The following CELF3 variants were observed in gnomAD, a reference collection of about 807,000 sequenced individuals.
CELF3 encodes the protein CUGBP Elav-like family member 3.
CELF3 carries 26 observed loss-of-function variants against 59.6 expected under a neutral mutation model. The ratio of observed to expected loss-of-function variants is 0.44; its 90% CI spans 0.32 to 0.61. CELF3 has a LOEUF of 0.61. Ranked by LOEUF, CELF3 falls within the 20% of genes least tolerant of loss-of-function variation. The pLI, the probability that CELF3 is intolerant of heterozygous loss-of-function variation, is 0.06. For synonymous variants in CELF3, 245 were observed against 250.7 expected, an observed-to-expected ratio of 0.98 and a Z score of 0.22; for missense variants, 387 against 627.2, an observed-to-expected ratio of 0.62 and a Z score of 4.09.
chr1:151,716,667 C>CA lies in CELF3; in HGVS notation c.-648dup. On this transcript the variant is annotated 5_prime_UTR_variant, in exon 1 of 13. Coordinates refer to ENST00000290583, the MANE Select transcript of CELF3 (RefSeq NM_007185.7). ...GCCGCCCCCCTTCAGGTCCTCCCCT[C>CA]AGCCCCCCTCCCACCCCCACCCCAG... 9.5e-6 allele frequency: 3 copies of CA among 314,280 alleles called. No individual in the cohort carries two copies. The highest frequency in any genetic ancestry group is 2.4e-5 in the South Asian group (1 of 41,306). 19.5% of individuals were successfully genotyped at this position (314,280 alleles called of 1,614,324 possible).
chr1:151,709,511 G>T lies in CELF3; in HGVS notation c.278-163C>A. ...GGGGAATGGGGTATAGTTGCAGAGG[G>T]TGCTCATCCCAGCTCTGAGGGACTC... On this transcript the variant is annotated intron_variant, in intron 3 of 12. Transcript: ENST00000290583. The surrounding 1 kb of genome is among the most constrained non-coding windows in gnomAD (Gnocchi z 4.9). 3 of 1,092,538 alleles carry T rather than the reference G, an allele frequency of 2.7e-6. No individual in the cohort carries two copies. Among genetic ancestry groups the T allele is most frequent in the Non-Finnish European group, 4.0e-6 (3 of 743,656 alleles). The allele number at this position is 1,092,538 out of a possible 1,614,324, so 67.7% of individuals were successfully genotyped here.
In CELF3 at chr1:151,709,048, C is replaced by G. The variant is rs202171109; in HGVS notation, c.436G>C (p.Ala146Pro). Residue 146 changes from alanine (A) to proline (P), a missense_variant, in exon 5 of 13, where the codon GCT (alanine) becomes CCT (proline). Physicochemically the swap from Ala to Pro is conservative, Grantham distance 27. Around this residue, in one of 3 missense-constraint regions of CELF3, gnomAD observed 208 missense variants for 354.8 expected, o/e 0.59. Coordinates refer to ENST00000290583, the MANE Select transcript of CELF3 (RefSeq NM_007185.7). The surrounding 1 kb of genome is among the most constrained non-coding windows in gnomAD (Gnocchi z 4.9). ...GCAFVKFQTH[A>P]EAQAAINTLH... ...GTGTTGATGGCCGCCTGGGCCTCAG[C>G]GTGGGTCTGGAACTTCACGAAGGCG... is the stretch of plus-strand genomic sequence containing the variant. 6.2e-7 allele frequency: 1 copy of G among 1,613,696 alleles called. No homozygotes were observed. The highest frequency in any genetic ancestry group is 8.5e-7 in the Non-Finnish European group (1 of 1,179,942).
Position 151,715,924 on chromosome 1 carries a change from T to C in CELF3, c.97A>G (p.Ile33Val). The change falls in exon 1 of 13, where the codon ATC becomes GTC. Residue 33 changes from isoleucine (I) to valine (V), a missense_variant. By Grantham distance (29) the Ile-to-Val change is conservative (BLOSUM62 3). Transcript: ENST00000290583. ...TCCTTGATGACAGTCAGCTCAAAGATCCGACCAAACTGTTCGAAGATGGGC... is the reference window on the plus strand; with the variant it reads ...TCCTTGATGACAGTCAGCTCAAAGACCCGACCAAACTGTTCGAAGATGGGC... ...LKPIFEQFGR[I>V]FELTVIKDKY... 6.2e-7 allele frequency: 1 copy of C among 1,614,090 alleles called. No individual in the cohort carries two copies. Among genetic ancestry groups the C allele is most frequent in the Non-Finnish European group, 8.5e-7 (1 of 1,180,020 alleles).
chr1:151,708,067 C>T (rs1036187710), intron 5 of CELF3, 132 bp from the exon 6 acceptor site: 7 of 959,032 alleles, frequency 7.3e-6, no homozygotes, highest in East Asian at 5.3e-5. Context: ...CACCATTTTG[C>T]GTATGAAAGA....
Position 151,700,478 on chromosome 1 carries a change from A to C in CELF3, c.*2981T>G, listed in dbSNP as rs1172189019. On this transcript the variant is annotated 3_prime_UTR_variant, in exon 13 of 13. Transcript: ENST00000290583. ...GAACAATGAATAGTTCTATTTGGGTATGTGTAGGAATGAAGTGGAAAGTAA... is the reference window on the plus strand; with the variant it reads ...GAACAATGAATAGTTCTATTTGGGTCTGTGTAGGAATGAAGTGGAAAGTAA... 1.3e-5 allele frequency among the ~76,000 whole-genome samples: 2 copies of C among 152,328 alleles called. No homozygotes were observed. Among genetic ancestry groups the C allele is most frequent in the East Asian group, 3.9e-4 (2 of 5,186 alleles).
chr1:151,709,966 A>G lies in CELF3; in HGVS notation c.229-175T>C, dbSNP rs1672878259. ...CAGGATGAAGGCCTGAGGGGATCAG[A>G]GGCACAGAGAGAGAGGATGTAGAGG... On this transcript the variant is annotated intron_variant, in intron 2 of 12. Transcript: ENST00000290583. This position sits in a 1 kb window ranked among gnomAD's most constrained non-coding sequence, Gnocchi z 4.9. 1.5e-6 allele frequency: 1 copy of G among 661,336 alleles called. No individual in the cohort carries two copies. The allele number at this position is 661,336 out of a possible 1,614,324, so 41.0% of individuals were successfully genotyped here. A position where few individuals can be genotyped will look rare whatever the true frequency, so the allele number is the denominator to read the frequency against.
Position 151,705,947 on chromosome 1 carries a change from A to T in CELF3, c.1145T>A (p.Ile382Asn). Residue 382 changes from isoleucine to asparagine, a missense_variant, in exon 11 of 13, where the codon ATC becomes AAC. This residue lies in a region of CELF3 where 48 missense variants were observed against 118.8 expected (regional missense o/e 0.40). Transcript: ENST00000290583. The surrounding 1 kb of genome is among the most constrained non-coding windows in gnomAD (Gnocchi z 5.1). ...CTCCTGGGGCAGGTGGTAGATGAAGATGTTGCAGCCATCAGGGCCTGGGTG... is the reference window on the plus strand; with the variant it reads ...CTCCTGGGGCAGGTGGTAGATGAAGTTGTTGCAGCCATCAGGGCCTGGGTG... ...QQREGPDGCN[I>N]FIYHLPQEFT... 6.2e-7 allele frequency: 1 copy of T among 1,613,958 alleles called. No homozygotes were observed. The highest frequency in any genetic ancestry group is 8.5e-7 in the Non-Finnish European group (1 of 1,179,872).
In CELF3 at chr1:151,706,000, T is replaced by C. The variant is rs1022370720; in HGVS notation, c.1127-35A>G. 2 of 1,611,844 alleles carry C rather than the reference T, an allele frequency of 1.2e-6. No homozygotes were observed. The highest frequency in any genetic ancestry group is 2.7e-5 in the African/African-American group (2 of 74,796). The stretch of plus-strand genomic sequence containing the variant: ...GACAGAGACAGAAGAAAGAGCTCAG[T>C]GACTGGGAGGCACACACCCCAGAAG... On this transcript the variant is annotated intron_variant, in intron 10 of 12. Transcript: ENST00000290583. The surrounding 1 kb of genome is among the most constrained non-coding windows in gnomAD (Gnocchi z 5.1).
chr1:151,713,645 A>C (rs920373239), intron 2 of CELF3: 2 of 152,262 alleles, frequency 1.3e-5, no homozygotes, highest in African/African-American at 4.8e-5. Flanking sequence ...TCAAGAGCTC[A>C]CATGCCTGTG....
chr1:151,705,250 C>A lies in CELF3; in HGVS notation c.1271-82G>T. ...GGAGACCTCTGGCACTACCCTGTGT[C>A]TCCCAAGTGTCCCAAATGCCTAGAA... On this transcript the variant is annotated intron_variant, in intron 11 of 12. Transcript: ENST00000290583. This position sits in a 1 kb window ranked among gnomAD's most constrained non-coding sequence, Gnocchi z 5.1. 1 of 1,464,062 alleles carries A rather than the reference C, an allele frequency of 6.8e-7. No homozygotes were observed. The highest frequency in any genetic ancestry group is 1.4e-5 in the South Asian group (1 of 72,942). The allele number at this position is 1,464,062 out of a possible 1,614,324, so 90.7% of individuals were successfully genotyped here. A position where few individuals can be genotyped will look rare whatever the true frequency, so the allele number is the denominator to read the frequency against.
intron 12 of CELF3, among the ~76,000 whole-genome samples, chr1:151,704,138 G>A (rs979584520): frequency 2.0e-5 from 3 of 152,084 alleles, no homozygotes; most frequent in Non-Finnish European, 2.9e-5. Context: ...ACAGGGGCCC[G>A]GAGCAGGGGT....
chr1:151,705,650 C>T lies in CELF3; in HGVS notation c.1270+172G>A, dbSNP rs1395348413. ...AAACGCTGAAGGAAGAAGAGATGGG[C>T]CGAGGCAGCAGCTGGGTGTGGCATG... On this transcript the variant is annotated intron_variant, in intron 11 of 12. Coordinates refer to ENST00000290583, the MANE Select transcript of CELF3 (RefSeq NM_007185.7). The surrounding 1 kb of genome is among the most constrained non-coding windows in gnomAD (Gnocchi z 5.1). Among the ~76,000 whole-genome samples the T allele has an allele frequency of 1.3e-5, 2 of 152,118 alleles. No individual in the cohort carries two copies. Among genetic ancestry groups the T allele is most frequent in the South Asian group, 2.1e-4 (1 of 4,822 alleles).
chr1:151,711,661 T>A (rs1673031912), intron 2 of CELF3, among the ~76,000 whole-genome samples: 1 of 152,180 alleles, frequency 6.6e-6, no homozygotes, highest in South Asian at 2.1e-4. Flanking sequence ...GGCTTTCACC[T>A]CCTTCTCTCC....
chr1:151,706,796 T>C (rs1221386583), intron 8 of CELF3, 62 bp from the exon 9 acceptor site: 2 of 1,312,494 alleles, frequency 1.5e-6, no homozygotes, highest in Non-Finnish European at 2.1e-6. Flanking sequence ...CCTCAGTGCC[T>C]CTCTGGGCCT....
intron 2 of CELF3, chr1:151,710,979 CTGATGGTGGGGCAGTAGTTCCAG>C (rs1672976676): frequency 2.6e-6 from 1 of 383,268 alleles, no homozygotes; most frequent in Non-Finnish European, 5.2e-6. Context: ...CCCCACTCAT[CTGATGGTGGGGCAGTAGTTCCAG>C]TGACCAGAAA....
chr1:151,715,908 ACAGT>A lies in CELF3; in HGVS notation c.109_112del (p.Thr37SerfsTer16), dbSNP rs1673443081. On this transcript the variant is annotated frameshift_variant, in exon 1 of 13. Transcript: ENST00000290583. LOFTEE classifies it high-confidence loss of function. Reference sequence around the variant, plus strand: ...CAGCCCGGTGTACTTGTCCTTGATGACAGTCAGCTCAAAGATCCGACCAAACTGT... The same window carrying A: ...CAGCCCGGTGTACTTGTCCTTGATGACAGCTCAAAGATCCGACCAAACTGT... 1 of 1,613,898 alleles carries A rather than the reference ACAGT, an allele frequency of 6.2e-7. No individual in the cohort carries two copies.
At chr1:151,715,474 A>T (rs1673398437) in intron 1 of CELF3, 7 of 555,640 alleles carry the variant, frequency 1.3e-5, no homozygotes, top group Non-Finnish European at 2.2e-5. Flanking sequence ...CCTGACCCCC[A>T]TCCCAATATT....
chr1:151,705,155 G>A lies in CELF3; in HGVS notation c.1284C>T (p.Phe428=), dbSNP rs768992816. ...NQSKCFGFVS[F]DNPASAQAAI... Reference sequence around the variant, plus strand: ...CAGCCTGGGCACTGGCCGGATTGTCGAAACTCACAAAGCCTGGGGTGAGAG... The same window carrying A: ...CAGCCTGGGCACTGGCCGGATTGTCAAAACTCACAAAGCCTGGGGTGAGAG... The change falls in exon 12 of 13, where the codon TTC becomes TTT. Residue 428 remains phenylalanine (F), a synonymous_variant. Transcript: ENST00000290583. The surrounding 1 kb of genome is among the most constrained non-coding windows in gnomAD (Gnocchi z 5.1). 37 of 1,613,148 alleles carry A rather than the reference G, an allele frequency of 2.3e-5. No individual in the cohort carries two copies. Among genetic ancestry groups the A allele is most frequent in the Non-Finnish European group, 2.8e-5 (33 of 1,179,410 alleles).
rs1203575249 is a variant in CELF3, at chr1:151,716,562, C to T, written c.-542G>A. 1.7e-5 allele frequency: 6 copies of T among 344,048 alleles called. No individual in the cohort carries two copies. Among genetic ancestry groups the T allele is most frequent in the Admixed American group, 7.7e-5 (2 of 26,052 alleles). 21.3% of individuals were successfully genotyped at this position (344,048 alleles called of 1,614,324 possible). On this transcript the variant is annotated 5_prime_UTR_variant, in exon 1 of 13. Coordinates refer to ENST00000290583, the MANE Select transcript of CELF3 (RefSeq NM_007185.7). ...GAGGACACCTCCCCTGTGGCGGATC[C>T]TTCTGCTGGGTCCGAAGATCCCTGA... is the stretch of plus-strand genomic sequence containing the variant.
Sources: allele counts gnomAD v4.1 joint callset (sites outside exome capture counted in the v4.1 genomes callset), GRCh38; gene constraint gnomAD v4.1.1; regional missense constraint gnomAD v4.1.1; non-coding constraint Gnocchi (gnomAD v3.1); transcripts MANE v1.5; gene names NCBI Gene and HGNC (gene_info 2026-07-23, HGNC 2026-07-21).